KIF6: variants seen among roughly 807,000 people sequenced by gnomAD.
KIF6 encodes the protein kinesin-like protein KIF6.
KIF6 carries 106 observed loss-of-function variants against 112.7 expected under a neutral mutation model. That is an observed-to-expected ratio of 0.94 (90% confidence interval 0.80 to 1.11). The LOEUF (loss-of-function observed/expected upper bound fraction) is 1.11, where lower values mean the gene tolerates loss of function less well. KIF6 is among the 50% of genes least tolerant of loss of function. KIF6 has a pLI of 0.00. For missense variants in KIF6, 929 were observed against 964.0 expected (o/e 0.96, Z 0.48); for synonymous variants, 339 against 339.9 (o/e 1.00, Z 0.03).
At chr6:39,695,842 C>T (rs1788499278) in intron 3 of KIF6, among the ~76,000 whole-genome samples, 1 of 152,174 alleles carries the variant, frequency 6.6e-6, no homozygotes, top group African/African-American at 2.4e-5. Flanking sequence ...AAGACACCCA[C>T]ACTCGTATTC....
At chr6:39,719,714 T>C (rs1301525573) in intron 2 of KIF6, among the ~76,000 whole-genome samples, 1 of 152,196 alleles carries the variant, frequency 6.6e-6, no homozygotes, top group Non-Finnish European at 1.5e-5. Flanking sequence ...TGTTTGGTAT[T>C]TTTCAACTGA....
At chr6:39,602,142 C>T (rs28385602) in intron 6 of KIF6, among the ~76,000 whole-genome samples, 26,592 of 152,040 alleles carry the variant, frequency 0.17, 2,573 homozygotes, top group Admixed American at 0.27. Flanking sequence ...TAATAGCTTA[C>T]TGACCATTAT....
chr6:39,590,328 C>A (rs1781862999), intron 7 of KIF6, among the ~76,000 whole-genome samples: 1 of 150,688 alleles, frequency 6.6e-6, no homozygotes. Context: ...ATATTGATGT[C>A]TTTTCATTCA....
At chr6:39,630,896 G>T (rs767438619) in intron 5 of KIF6, among the ~76,000 whole-genome samples, 2 of 151,870 alleles carry the variant, frequency 1.3e-5, no homozygotes, top group Non-Finnish European at 2.9e-5. Context: ...GTTGGATTTT[G>T]TCAAATTTTT....
At chr6:39,716,402 C>T (rs1010802697) in intron 2 of KIF6, among the ~76,000 whole-genome samples, 2 of 152,162 alleles carry the variant, frequency 1.3e-5, no homozygotes, top group Admixed American at 1.3e-4. Context: ...CTTTTCCCCA[C>T]ACATTTTAGA....
chr6:39,684,855 T>C (rs1328033761), intron 3 of KIF6, among the ~76,000 whole-genome samples: 1 of 151,944 alleles, frequency 6.6e-6, no homozygotes, highest in African/African-American at 2.4e-5. Flanking sequence ...GGAAGAAATT[T>C]AGCCCTGTCA....
intron 6 of KIF6, among the ~76,000 whole-genome samples, chr6:39,605,410 G>T (rs1299148890): frequency 6.6e-6 from 1 of 151,900 alleles, no homozygotes; most frequent in East Asian, 1.9e-4. Flanking sequence ...GGGGCTAAAA[G>T]AACTAACAAT....
intron 3 of KIF6, among the ~76,000 whole-genome samples, chr6:39,659,139 G>A (rs1323127494): frequency 6.6e-6 from 1 of 152,116 alleles, no homozygotes; most frequent in Non-Finnish European, 1.5e-5. Context: ...GCCCCAATGT[G>A]ACTTGAACAT....
At chr6:39,584,759 G>C (rs1781524080) in intron 9 of KIF6, 139 bp downstream of exon 9, 1 of 549,900 alleles carries the variant, frequency 1.8e-6, no homozygotes, top group Non-Finnish European at 3.2e-6. Context: ...CTACTCATAG[G>C]TTATTTAGAG....
At chr6:39,629,786 C>G (rs1380179078) in intron 5 of KIF6, among the ~76,000 whole-genome samples, 1 of 151,956 alleles carries the variant, frequency 6.6e-6, no homozygotes, top group Non-Finnish European at 1.5e-5. Flanking sequence ...GGATTTTCTC[C>G]TGTGTTATCT....
chr6:39,603,195 A>G (rs1203978395), intron 6 of KIF6, among the ~76,000 whole-genome samples: 2 of 152,156 alleles, frequency 1.3e-5, no homozygotes, highest in Non-Finnish European at 2.9e-5. Context: ...GATTGTAAAA[A>G]GTGACTCAAA....
chr6:39,634,761 A>G (rs1784535966), intron 5 of KIF6, 88 bp downstream of exon 5: 1 of 836,610 alleles, frequency 1.2e-6, no homozygotes, highest in East Asian at 2.4e-5. Flanking sequence ...TATGATTGAG[A>G]CCAGAAACAT....
chr6:39,579,830 G>A (rs1561831543), intron 9 of KIF6, among the ~76,000 whole-genome samples: 1 of 151,652 alleles, frequency 6.6e-6, no homozygotes. Flanking sequence ...ATATATAAAT[G>A]TGTCTATTTC....
intron 13 of KIF6, among the ~76,000 whole-genome samples, chr6:39,478,047 A>C (rs985645108): frequency 6.6e-6 from 1 of 152,040 alleles, no homozygotes; most frequent in Non-Finnish European, 1.5e-5. Context: ...ATTTTTTAAA[A>C]ATTTTTCATT....
chr6:39,452,289 TA>T, intron 13 of KIF6, among the ~76,000 whole-genome samples: 1 of 152,180 alleles, frequency 6.6e-6, no homozygotes, highest in Non-Finnish European at 1.5e-5. Flanking sequence ...TGGATTTGCT[TA>T]AAAACTCAGC....
At chr6:39,616,376 C>T (rs142754109) in intron 5 of KIF6, among the ~76,000 whole-genome samples, 70 of 152,286 alleles carry the variant, frequency 4.6e-4, no homozygotes, top group Admixed American at 9.8e-4. Context: ...GTAACACATC[C>T]CTGTGCGTTA....
intron 3 of KIF6, among the ~76,000 whole-genome samples, chr6:39,714,406 AG>A (rs1167361919): frequency 2.0e-5 from 3 of 152,194 alleles, no homozygotes; most frequent in African/African-American, 7.2e-5. Flanking sequence ...AACCCTGAGT[AG>A]TGTCACTTAA....
intron 13 of KIF6, among the ~76,000 whole-genome samples, chr6:39,514,778 C>CT (rs1582025443): frequency 1.3e-5 from 2 of 151,140 alleles, no homozygotes; most frequent in East Asian, 3.9e-4. Flanking sequence ...TTTTTTTCCC[C>CT]CCCGGGGATG....
chr6:39,684,371 C>A (rs563459063), intron 3 of KIF6, among the ~76,000 whole-genome samples: 1 of 152,100 alleles, frequency 6.6e-6, no homozygotes, highest in Admixed American at 6.5e-5. Context: ...AATCCTAACA[C>A]TCTGGGAGGC....
Sources: allele counts gnomAD v4.1 joint callset (sites outside exome capture counted in the v4.1 genomes callset), GRCh38; gene constraint gnomAD v4.1.1; transcripts MANE v1.5; gene names NCBI Gene and HGNC (gene_info 2026-07-23, HGNC 2026-07-21).